The following GUSB variants were observed in gnomAD, a reference collection of about 807,000 sequenced individuals.
GUSB encodes the protein glucuronidase beta, also known as beta-glucuronidase.
Under a neutral mutation model 74.6 loss-of-function variants are expected in GUSB, and 51 were observed. The observed-to-expected ratio is 0.68, with a 90% confidence interval of 0.55 to 0.86. The LOEUF (loss-of-function observed/expected upper bound fraction) is 0.86. GUSB is among the 40% of genes least tolerant of loss of function. The probability of loss-of-function intolerance (pLI) is 0.00; values close to 1 mark genes in which losing one functional copy is unlikely to be tolerated. For synonymous variants in GUSB, 360 were observed against 348.3 expected (o/e 1.03, Z -0.37); for missense variants, 736 against 853.7 (o/e 0.86, Z 1.72).
intron 1 of GUSB, chr7:65,980,869 A>G (rs902052303): frequency 4.2e-6 from 1 of 239,078 alleles, no homozygotes; most frequent in African/African-American, 2.2e-5. Flanking sequence ...TAGACCAGGC[A>G]AAAGCCGCCC....
chr7:65,976,834 TG>T (rs1355504078), intron 4 of GUSB, among the ~76,000 whole-genome samples: 1 of 151,586 alleles, frequency 6.6e-6, no homozygotes, highest in African/African-American at 2.4e-5. Flanking sequence ...CCCAGCTACT[TG>T]GGAGGCTGAA....
rs550592075 is a variant in GUSB at position 65,976,406 on chromosome 7, A to G, written c.725-204T>C. Among the ~76,000 whole-genome samples the G allele has an allele frequency of 1.3e-4, 19 of 151,690 alleles. No individual in the cohort carries two copies. In the South Asian group the frequency reaches 3.8e-3, roughly 30 times the overall value. ...AGTGGCATGATCTCGGCTCACTGCA[A>G]CCTCCACCTCTGGGGTTCAGGTGAT... On this transcript the variant is annotated intron_variant, in intron 4 of 11. Coordinates refer to ENST00000304895, the MANE Select transcript of GUSB (RefSeq NM_000181.4).
intron 11 of GUSB, among the ~76,000 whole-genome samples, chr7:65,962,753 TC>T (rs1470854524): frequency 1.3e-5 from 2 of 151,468 alleles, no homozygotes; most frequent in Non-Finnish European, 2.9e-5. Context: ...ATGCCTGCAA[TC>T]CCAGTTAATC....
Position 65,982,033 on chromosome 7 carries a change from A to G in GUSB, c.151T>C (p.Phe51Leu). ...AAGCCCCGGCGTCGGTTGTCAGAGA[A>G]GTCGGCGCGGAAGCTCCAGAGGCCG... ...LDGLWSFRADFSDNRRRGFEE... is the reference protein window; with the variant it reads ...LDGLWSFRADLSDNRRRGFEE... Residue 51 changes from phenylalanine (F) to leucine (L), a missense_variant, in exon 1 of 12, where the codon TTC (phenylalanine) becomes CTC (leucine). Coordinates refer to ENST00000304895, the MANE Select transcript of GUSB (RefSeq NM_000181.4). 6.2e-7 allele frequency: 1 copy of G among 1,610,646 alleles called. No homozygotes were observed. Among genetic ancestry groups the G allele is most frequent in the Non-Finnish European group, 8.5e-7 (1 of 1,179,390 alleles).
Position 65,970,348 on chromosome 7 carries a change from GGT to G in GUSB, c.1408_1409del (p.Thr470GlnfsTer16). The G allele has an allele frequency of 6.2e-7, 1 of 1,612,428 alleles. No individual in the cohort carries two copies. The highest frequency in any genetic ancestry group is 8.5e-7 in the Non-Finnish European group (1 of 1,178,976). On this transcript the variant is annotated frameshift_variant, in exon 9 of 12. Transcript: ENST00000304895. LOFTEE classifies it high-confidence loss of function. ...GYYLKMVIAH[T>X]KSLDPSRPVT... ...CAGGCCGGGAGGGGTCCAAGGATTT[GGT>G]GTGAGCGATCACCATCCTGTCCACA...
chr7:65,980,544 C>G, intron 1 of GUSB, 135 bp from the exon 2 acceptor site: 1 of 826,956 alleles, frequency 1.2e-6, no homozygotes, highest in Non-Finnish European at 2.0e-6. Flanking sequence ...GGACAGATAA[C>G]TTGCTGATGA....
chr7:65,974,855 G>A, intron 6 of GUSB, 64 bp downstream of exon 6: 1 of 1,584,144 alleles, frequency 6.3e-7, no homozygotes, highest in Non-Finnish European at 8.7e-7. Context: ...GCAGGACACA[G>A]GGAAGGCGAA....
At position 65,970,327 on chromosome 7, in the gene GUSB, C is replaced by T. The variant is rs748788618; in HGVS notation, c.1431G>A (p.Arg477=). Residue 477 remains arginine, a synonymous_variant, in exon 9 of 12, where the codon CGG becomes CGA. Coordinates refer to ENST00000304895, the MANE Select transcript of GUSB (RefSeq NM_000181.4). The part of the protein sequence containing the change: ...IAHTKSLDPS[R]PVTFVSNSNY... ...TAGAGTTGCTCACAAAGGTCACAGGCCGGGAGGGGTCCAAGGATTTGGTGT... is the reference window on the plus strand; with the variant it reads ...TAGAGTTGCTCACAAAGGTCACAGGTCGGGAGGGGTCCAAGGATTTGGTGT... 5 of 1,613,284 alleles carry T rather than the reference C, an allele frequency of 3.1e-6. No individual in the cohort carries two copies. In the Admixed American group the frequency reaches 6.7e-5, roughly 22 times the overall value.
At chr7:65,961,817 T>C (rs1488022951) in intron 11 of GUSB, among the ~76,000 whole-genome samples, 1 of 151,992 alleles carries the variant, frequency 6.6e-6, no homozygotes, top group Non-Finnish European at 1.5e-5. Context: ...GCCTGGACAA[T>C]ATGGTGAAAC....
chr7:65,982,092 T>C lies in GUSB; in HGVS notation c.92A>G (p.Gln31Arg). Residue 31 changes from glutamine to arginine, a missense_variant, in exon 1 of 12, where the codon CAG (glutamine) becomes CGG (arginine). Physicochemically the swap from Gln to Arg is conservative, Grantham distance 43. This residue lies in a region of GUSB where 368 missense variants were observed against 363.8 expected (regional missense o/e 1.01). Transcript: ENST00000304895. ...LGLQGGMLYP[Q>R]ESPSRECKEL... ...CTTGCACTCCCGCGACGGGCTCTCC[T>C]GGGGGTACAGCATCCCGCCCTGCAG... The C allele has an allele frequency of 6.2e-7, 1 of 1,603,576 alleles. No homozygotes were observed. Among genetic ancestry groups the C allele is most frequent in the Middle Eastern group, 1.7e-4 (1 of 5,902 alleles).
At chr7:65,980,197 GC>G in intron 2 of GUSB, 26 bp downstream of exon 2, 2 of 253,712 alleles carry the variant, frequency 7.9e-6, no homozygotes, top group Non-Finnish European at 8.1e-6. Flanking sequence ...CCCCCCACCC[GC>G]CCTGCCTGCT....
chr7:65,980,526 G>A (rs1791938196), intron 1 of GUSB, 117 bp from the exon 2 acceptor site: 1 of 937,052 alleles, frequency 1.1e-6, no homozygotes, highest in African/African-American at 1.6e-5. Flanking sequence ...GGGGATTCTT[G>A]GCAGAAAGGA....
intron 8 of GUSB, among the ~76,000 whole-genome samples, chr7:65,972,619 A>T (rs1791289436): frequency 6.6e-6 from 1 of 151,994 alleles, no homozygotes; most frequent in Admixed American, 6.6e-5. Context: ...ACACTCTCCA[A>T]CAGCCAGGCT....
chr7:65,965,423 A>G (rs2115849120), intron 10 of GUSB, among the ~76,000 whole-genome samples: 1 of 152,272 alleles, frequency 6.6e-6, no homozygotes, highest in Non-Finnish European at 1.5e-5. Flanking sequence ...ATTAAACTAA[A>G]TCAATTCAGT....
chr7:65,977,912 G>A (rs1356202836), intron 4 of GUSB, among the ~76,000 whole-genome samples: 4 of 151,974 alleles, frequency 2.6e-5, no homozygotes, highest in East Asian at 1.9e-4. Context: ...CCAGGTTCAC[G>A]CCATTCTCCT....
chr7:65,975,332 A>G (rs749202784), intron 5 of GUSB: 9 of 501,218 alleles, frequency 1.8e-5, no homozygotes, highest in African/African-American at 1.8e-4. Context: ...GGATCACTTG[A>G]GTCCAGGAGT....
At chr7:65,964,562 A>G (rs2115839378) in intron 10 of GUSB, 104 bp from the exon 11 acceptor site, 2 of 1,018,510 alleles carry the variant, frequency 2.0e-6, no homozygotes, top group Non-Finnish European at 1.5e-6. Flanking sequence ...ATCTGTCTTC[A>G]CAGGGGGCTA....
intron 9 of GUSB, among the ~76,000 whole-genome samples, chr7:65,969,334 G>A (rs1274130035): frequency 1.3e-5 from 2 of 152,190 alleles, no homozygotes; most frequent in East Asian, 3.9e-4. Flanking sequence ...AGCTGAGATT[G>A]CACCATTTCA....
chr7:65,980,934 A>AG (rs1212341978), intron 1 of GUSB: 1 of 207,400 alleles, frequency 4.8e-6, no homozygotes, highest in Admixed American at 5.3e-5. Flanking sequence ...GGAGGGGAAC[A>AG]GGGGTGGCGT....
Sources: gnomAD v4.1 joint callset for allele counts (sites outside exome capture counted in the v4.1 genomes callset) on GRCh38, gnomAD v4.1.1 for gene constraint, gnomAD v4.1.1 regional missense constraint, MANE v1.5 for transcripts, NCBI Gene and HGNC (gene_info 2026-07-23, HGNC 2026-07-21) for gene names.